Variants in SLC2A14 observed in about 807,000 individuals in gnomAD.
SLC2A14 encodes solute carrier family 2 member 14, also known as solute carrier family 2, facilitated glucose transporter member 14.
A neutral mutation model predicts 43.0 loss-of-function variants in SLC2A14; 13 were observed. That is an observed-to-expected ratio of 0.30 (90% CI 0.20 to 0.48). SLC2A14 has a LOEUF of 0.48. Among genes scored for constraint, SLC2A14 ranks in the 20% least tolerant of loss-of-function variants. The pLI, the probability that SLC2A14 is intolerant of heterozygous loss-of-function variation, is 0.99. For missense variants in SLC2A14, 428 were observed against 620.4 expected (o/e 0.69, Z 3.29); for synonymous variants, 190 against 233.8 (o/e 0.81, Z 1.71).
At chr12:7,863,047 T>G (rs749035677) in intron 2 of SLC2A14, among the ~76,000 whole-genome samples, 1 of 152,288 alleles carries the variant, frequency 6.6e-6, no homozygotes, top group South Asian at 2.1e-4. Context: ...TTTCAAACTG[T>G]TGAAGCTTTG....
rs1204450230 is a variant in SLC2A14 at position 7,883,590 on chromosome 12, CTTTTTTTTTT to C, written c.132+7396_132+7405del. On this transcript the variant is annotated intron_variant, in intron 1 of 9. Coordinates refer to the SLC2A14 transcript ENST00000539924. ...CTCTTTTTCTTTTTCTTTTTCTTTT[CTTTTTTTTTT>C]TTTTTTTTTTTTTGAGACGGGGTCT... Among the ~76,000 whole-genome samples the C allele has an allele frequency of 4.9e-4, 47 of 95,200 alleles. 1 individual carries two copies. Among genetic ancestry groups the C allele is most frequent in the South Asian group, 3.4e-4 (1 of 2,972 alleles). The allele number at this position is 95,200 out of a possible 152,430, so 62.5% of individuals were successfully genotyped here.
rs753866049 is a variant in SLC2A14 at position 7,814,203 on chromosome 12, A to C, written c.*113T>G. The stretch of plus-strand genomic sequence containing the variant: ...TCATGGAGTGCGTGGGATGAGAAAG[A>C]AATCAAGTAGCAGCATTCAGAAGCA... On this transcript the variant is annotated 3_prime_UTR_variant, in exon 11 of 11. Transcript: ENST00000431042. 8.0e-6 allele frequency: 12 copies of C among 1,501,800 alleles called. No homozygotes were observed. The South Asian group carries it at 9.1e-5, about 11-fold the overall frequency. 93.0% of individuals were successfully genotyped at this position (1,501,800 alleles called of 1,614,324 possible). A position where few individuals can be genotyped will look rare whatever the true frequency, so the allele number is the denominator to read the frequency against.
intron 2 of SLC2A14, among the ~76,000 whole-genome samples, chr12:7,863,169 C>G (rs551278822): frequency 6.6e-6 from 1 of 152,036 alleles, no homozygotes; most frequent in African/African-American, 2.4e-5. Flanking sequence ...TTGAGCCCAG[C>G]GAGACTACGA....
intron 3 of SLC2A14, among the ~76,000 whole-genome samples, chr12:7,832,153 C>A (rs980656348): frequency 6.6e-6 from 1 of 152,120 alleles, no homozygotes. Context: ...CATTTCCTCC[C>A]TAGAGAATCA....
chr12:7,863,213 C>T (rs1487064785), intron 2 of SLC2A14, among the ~76,000 whole-genome samples: 1 of 152,086 alleles, frequency 6.6e-6, no homozygotes, highest in Non-Finnish European at 1.5e-5. Context: ...TCCTGACGCG[C>T]TGCCTTAAGA....
chr12:7,878,524 G>A (rs1318369292), intron 1 of SLC2A14, among the ~76,000 whole-genome samples: 2 of 151,588 alleles, frequency 1.3e-5, no homozygotes, highest in Non-Finnish European at 2.9e-5. Context: ...CTCCCAAACC[G>A]CTGGGATTAC....
intron 2 of SLC2A14, chr12:7,863,378 G>C (rs899674734): frequency 6.6e-6 from 3 of 453,228 alleles, no homozygotes; most frequent in African/African-American, 6.0e-5. Context: ...CTGCGAGGGT[G>C]TGCGGCTTCA....
rs372370462 is a variant in SLC2A14, at chr12:7,817,751, T to TATAG, written c.1275+76_1275+79dup. 2,315 of 1,149,952 alleles carry TATAG rather than the reference T, an allele frequency of 2.0e-3. 28 individuals are homozygous for TATAG. The highest frequency in any genetic ancestry group is 8.4e-3 in the East Asian group (337 of 40,130). 71.2% of individuals were successfully genotyped at this position (1,149,952 alleles called of 1,614,324 possible). Reference sequence around the variant, plus strand: ...ACTCAGTCTCAAAAATATATATATATATAGATAGATAGATAGATAGATAGA... The same window carrying TATAG: ...ACTCAGTCTCAAAAATATATATATATATAGATAGATAGATAGATAGATAGATAGA... On this transcript the variant is annotated intron_variant, in intron 10 of 10. Coordinates refer to ENST00000431042, the MANE Select transcript of SLC2A14 (RefSeq NM_001286234.2).
chr12:7,814,715 T>C (rs976906214), intron 10 of SLC2A14, among the ~76,000 whole-genome samples, 181 bp from the exon 11 acceptor site: 1 of 152,154 alleles, frequency 6.6e-6, no homozygotes, highest in Non-Finnish European at 1.5e-5. Flanking sequence ...TATATTTCTC[T>C]GTATTTTTCT....
intron 2 of SLC2A14, among the ~76,000 whole-genome samples, chr12:7,858,888 C>T (rs916057869): frequency 4.6e-5 from 7 of 152,244 alleles, no homozygotes; most frequent in Middle Eastern, 3.4e-3. Context: ...ATTACCCAAT[C>T]CAAGATCACA....
chr12:7,840,108 T>G (rs1865816735), intron 2 of SLC2A14, among the ~76,000 whole-genome samples: 1 of 94,860 alleles, frequency 1.1e-5, no homozygotes, highest in Admixed American at 1.1e-4. Context: ...CCAGACCCTG[T>G]CTCAAAAAAA....
chr12:7,862,799 CTT>C (rs1944656964), intron 2 of SLC2A14, among the ~76,000 whole-genome samples: 1 of 152,150 alleles, frequency 6.6e-6, no homozygotes, highest in African/African-American at 2.4e-5. Flanking sequence ...AATTGACACT[CTT>C]TATCTAGCTG....
At chr12:7,870,877 A>G in intron 1 of SLC2A14, 1 of 1,269,566 alleles carries the variant, frequency 7.9e-7, no homozygotes, top group Non-Finnish European at 1.0e-6. Flanking sequence ...ACCAAAGCCA[A>G]GACCACCAAG....
At chr12:7,822,453 G>T (rs979902088) in intron 7 of SLC2A14, among the ~76,000 whole-genome samples, 1 of 151,530 alleles carries the variant, frequency 6.6e-6, no homozygotes, top group African/African-American at 2.4e-5. Context: ...AGATCACGAG[G>T]TCAGGAGATC....
At position 7,826,925 on chromosome 12, in the gene SLC2A14, T is replaced by TCTTTC. The variant is rs71451917; in HGVS notation, c.864+565_864+569dup. Among the ~76,000 whole-genome samples, 9 of 96,984 alleles carry TCTTTC rather than the reference T, an allele frequency of 9.3e-5. No homozygotes were observed. The East Asian group carries it at 2.1e-3, about 22-fold the overall frequency. 63.6% of individuals were successfully genotyped at this position (96,984 alleles called of 152,430 possible). On this transcript the variant is annotated intron_variant, in intron 7 of 10. Transcript: ENST00000431042. ...TCTTTCTTTCTTTCTTTTTCCTTTT[T>TCTTTC]CTTTCCTTTCCTTTCCTTTCTTTCC...
chr12:7,820,713 C>G (rs569301952), intron 8 of SLC2A14, among the ~76,000 whole-genome samples: 1 of 106,016 alleles, frequency 9.4e-6, no homozygotes, highest in Non-Finnish European at 1.9e-5. Flanking sequence ...TCTATACTTC[C>G]TCTTTTCCCA....
chr12:7,813,800 T>G lies in SLC2A14; in HGVS notation c.*516A>C, dbSNP rs1163301831. 1 of 156,042 alleles carries G rather than the reference T, an allele frequency of 6.4e-6. No individual in the cohort carries two copies. The highest frequency in any genetic ancestry group is 1.4e-5 in the Non-Finnish European group (1 of 70,016). 9.7% of individuals were successfully genotyped at this position (156,042 alleles called of 1,614,324 possible). Reference sequence around the variant, plus strand: ...TTTTTATTATTTGGCAAAATTACACTTAAAAAATAAATATTTATGTAATTA... The same window carrying G: ...TTTTTATTATTTGGCAAAATTACACGTAAAAAATAAATATTTATGTAATTA... On this transcript the variant is annotated 3_prime_UTR_variant, in exon 11 of 11. Transcript: ENST00000431042.
chr12:7,866,836 C>A (rs1448235290), intron 2 of SLC2A14, among the ~76,000 whole-genome samples: 1 of 152,106 alleles, frequency 6.6e-6, no homozygotes, highest in South Asian at 2.1e-4. Context: ...AACTAGTTAT[C>A]CAGATTTAGC....
intron 1 of SLC2A14, among the ~76,000 whole-genome samples, chr12:7,880,257 G>A (rs745337721): frequency 1.3e-5 from 2 of 151,108 alleles, no homozygotes; most frequent in Non-Finnish European, 1.5e-5. Flanking sequence ...CCGAGATCGC[G>A]CCATTGCACC....
Sources: gnomAD v4.1 joint callset for allele counts (sites outside exome capture counted in the v4.1 genomes callset) on GRCh38, gnomAD v4.1.1 for gene constraint, MANE v1.5 for transcripts, NCBI Gene and HGNC (gene_info 2026-07-23, HGNC 2026-07-21) for gene names.